AMPD3: variants seen among roughly 807,000 people sequenced by gnomAD.
AMPD3 encodes adenosine monophosphate deaminase 3, also known as AMP deaminase 3.
Under a neutral mutation model 82.3 loss-of-function variants are expected in AMPD3, and 57 were observed. The observed-to-expected ratio is 0.69, with a 90% CI of 0.56 to 0.86. The LOEUF (loss-of-function observed/expected upper bound fraction) is 0.86. Among genes scored for constraint, AMPD3 ranks in the 40% least tolerant of loss-of-function variants. AMPD3 has a pLI of 0.00. For missense variants in AMPD3, 870 were observed against 1,003.8 expected (o/e 0.87, Z 1.80); for synonymous variants, 381 against 394.7 (o/e 0.97, Z 0.41).
Position 10,482,229 on chromosome 11 carries a change from T to C in AMPD3, c.589+4T>C. 6.2e-7 allele frequency: 1 copy of C among 1,611,170 alleles called. No individual in the cohort carries two copies. The highest frequency in any genetic ancestry group is 8.5e-7 in the Non-Finnish European group (1 of 1,179,052). On this transcript the variant is annotated splice_donor_region_variant and intron_variant, in intron 4 of 14. Coordinates refer to ENST00000396553, the MANE Select transcript of AMPD3 (RefSeq NM_001025389.2). Reference sequence around the variant, plus strand: ...CCTCCGGAAGAGGGCCTTCCAGGTATGGAGCTCTGGCTGGAGGTTGGGTCC... The same window carrying C: ...CCTCCGGAAGAGGGCCTTCCAGGTACGGAGCTCTGGCTGGAGGTTGGGTCC...
intron 7 of AMPD3, 154 bp downstream of exon 7, chr11:10,493,697 T>A: frequency 4.5e-6 from 4 of 890,514 alleles, no homozygotes; most frequent in Non-Finnish European, 7.2e-6. Flanking sequence ...CCTCAGAGAA[T>A]AACAGGTCTG....
Position 10,500,097 on chromosome 11 carries a change from T to G in AMPD3, c.1569T>G (p.Phe523Leu), listed in dbSNP as rs146000615. 1.8e-3 allele frequency: 2,838 copies of G among 1,614,168 alleles called. 15 individuals carry two copies. Among genetic ancestry groups the G allele is most frequent in the Non-Finnish European group, 1.5e-3 (1,792 of 1,180,012 alleles). The part of the protein sequence containing the change: ...LHLFLKYVTG[F>L]DSVDDESKHS... The stretch of plus-strand genomic sequence containing the variant: ...CCTCTCCTGCCCAGGTGACGGGGTT[T>G]GACAGCGTGGATGATGAGTCCAAGC... The change falls in exon 11 of 15, where the codon TTT becomes TTG. Residue 523 changes from phenylalanine to leucine, a missense_variant. By Grantham distance (22) the Phe-to-Leu change is conservative. Transcript: ENST00000396553.
At chr11:10,452,002 G>A (rs541461459), upstream of AMPD3, among the ~76,000 whole-genome samples, 2 of 152,284 alleles carry the variant, frequency 1.3e-5, no homozygotes, top group African/African-American at 4.8e-5. Context: ...ATGGGGCCTG[G>A]CTTGCTCTGA....
At chr11:10,491,419 C>T (rs1250430212) in intron 6 of AMPD3, among the ~76,000 whole-genome samples, 2 of 152,104 alleles carry the variant, frequency 1.3e-5, no homozygotes, top group African/African-American at 4.8e-5. Flanking sequence ...TAGCAGAGCC[C>T]TCATCCTAAG....
At chr11:10,502,660 T>C (rs891733349) in intron 12 of AMPD3, 61 bp from the exon 13 acceptor site, 12 of 1,602,328 alleles carry the variant, frequency 7.5e-6, no homozygotes, top group Admixed American at 3.3e-5. Context: ...CCTTTCTCCC[T>C]TCCCTTTTCC....
chr11:10,467,200 G>C (rs933386963), intron 2 of AMPD3, among the ~76,000 whole-genome samples: 1 of 152,108 alleles, frequency 6.6e-6, no homozygotes, highest in African/African-American at 2.4e-5. Context: ...TTCAGAAGGT[G>C]GGTAATAACA....
chr11:10,499,348 A>C (rs965358488), intron 10 of AMPD3: 1 of 152,194 alleles, frequency 6.6e-6, no homozygotes, highest in Admixed American at 6.6e-5. Context: ...TGAGTAGCTG[A>C]GATTACAGGT....
At chr11:10,467,364 G>A (rs185525884) in intron 2 of AMPD3, among the ~76,000 whole-genome samples, 1 of 152,262 alleles carries the variant, frequency 6.6e-6, no homozygotes, top group Admixed American at 6.5e-5. Flanking sequence ...AGAACATTGT[G>A]AAGCATTCAC....
At chr11:10,457,893 A>C (rs899302538) in intron 1 of AMPD3, among the ~76,000 whole-genome samples, 18 of 152,006 alleles carry the variant, frequency 1.2e-4, no homozygotes, top group African/African-American at 3.9e-4. Flanking sequence ...CCTGTCTCTC[A>C]ATCAATCAAT....
chr11:10,494,498 C>T, intron 7 of AMPD3: 1 of 901,510 alleles, frequency 1.1e-6, no homozygotes. Context: ...GTTGTACATG[C>T]TTTATTAGAA....
chr11:10,504,195 G>A (rs1268599456), intron 13 of AMPD3: 2 of 984,170 alleles, frequency 2.0e-6, no homozygotes, highest in Admixed American at 6.2e-5. Context: ...TAAGAAAATA[G>A]TGTGTTAAAA....
At chr11:10,489,048 A>C (rs978832128) in intron 6 of AMPD3, among the ~76,000 whole-genome samples, 2 of 152,182 alleles carry the variant, frequency 1.3e-5, no homozygotes, top group Non-Finnish European at 2.9e-5. Context: ...GTGCCCTGAG[A>C]GGCTTACAGA....
At chr11:10,458,707 T>C (rs1470487501) in intron 1 of AMPD3, among the ~76,000 whole-genome samples, 1 of 152,238 alleles carries the variant, frequency 6.6e-6, no homozygotes, top group Non-Finnish European at 1.5e-5. Flanking sequence ...GTGAGTATGC[T>C]CTAATTTAGG....
At position 10,500,512 on chromosome 11, in the gene AMPD3, A is replaced by G. The variant is rs757469517; in HGVS notation, c.1721+263A>G. On this transcript the variant is annotated intron_variant, in intron 11 of 14. Transcript: ENST00000396553. ...AGACATATGTCATGTACAGTATGCA[A>G]TGCAGCCACAGTCCACACGTGTCCA... 1.9e-5 allele frequency: 15 copies of G among 774,792 alleles called. No individual in the cohort carries two copies. In the African/African-American group the frequency reaches 2.1e-4, roughly 11 times the overall value. 48.0% of individuals were successfully genotyped at this position (774,792 alleles called of 1,614,324 possible).
chr11:10,452,050 A>C (rs2133799160), upstream of AMPD3, among the ~76,000 whole-genome samples: 1 of 152,198 alleles, frequency 6.6e-6, no homozygotes, highest in African/African-American at 2.4e-5. Flanking sequence ...AGGAATAATG[A>C]CACCTGCATA....
At chr11:10,494,716 A>G (rs1426372310) in intron 7 of AMPD3, 183 bp from the exon 8 acceptor site, 1 of 985,340 alleles carries the variant, frequency 1.0e-6, no homozygotes, top group Non-Finnish European at 1.2e-6. Context: ...AAGGATCCCA[A>G]GCTGACCGAG....
chr11:10,505,978 G>C lies in AMPD3; in HGVS notation c.*94G>C. On this transcript the variant is annotated 3_prime_UTR_variant, in exon 15 of 15. Coordinates refer to ENST00000396553, the MANE Select transcript of AMPD3 (RefSeq NM_001025389.2). ...AGATTCCGAACTAGGACTTTCCTCT[G>C]TGAAGAGGATGCCTCTGAAGAAATT... The C allele has an allele frequency of 6.9e-7, 1 of 1,441,250 alleles. No individual in the cohort carries two copies. Among genetic ancestry groups the C allele is most frequent in the Non-Finnish European group, 9.7e-7 (1 of 1,032,382 alleles). The allele number at this position is 1,441,250 out of a possible 1,614,324, so 89.3% of individuals were successfully genotyped here.
chr11:10,452,019 T>A (rs1847975693), upstream of AMPD3, among the ~76,000 whole-genome samples: 2 of 152,068 alleles, frequency 1.3e-5, no homozygotes, highest in Admixed American at 6.5e-5. Context: ...CTGAGGATGA[T>A]GGTATGGGGC....
chr11:10,489,982 T>G (rs1849195306), intron 6 of AMPD3, among the ~76,000 whole-genome samples: 2 of 152,150 alleles, frequency 1.3e-5, no homozygotes, highest in Non-Finnish European at 2.9e-5. Context: ...CACCTGGCCT[T>G]GATAGCACTC....
Sources: allele counts gnomAD v4.1 joint callset (sites outside exome capture counted in the v4.1 genomes callset), GRCh38; gene constraint gnomAD v4.1.1; transcripts MANE v1.5; gene names NCBI Gene and HGNC (gene_info 2026-07-23, HGNC 2026-07-21).